The following NCAM2 variants were observed in gnomAD, a reference collection of about 807,000 sequenced individuals.
NCAM2 encodes the protein N-CAM-2.
A neutral mutation model predicts 98.1 loss-of-function variants in NCAM2; 30 were observed. The ratio of observed to expected loss-of-function variants is 0.31; its 90% confidence interval spans 0.23 to 0.41. The LOEUF (loss-of-function observed/expected upper bound fraction) is 0.41. Among genes scored for constraint, NCAM2 ranks in the 10% least tolerant of loss-of-function variants. The pLI is 1.00. For missense variants in NCAM2, 867 were observed against 1,005.8 expected, an observed-to-expected ratio of 0.86 and a Z score of 1.87; for synonymous variants, 368 against 342.4, an observed-to-expected ratio of 1.07 and a Z score of -0.83.
At chr21:21,126,097 A>G (rs1464987110) in intron 1 of NCAM2, among the ~76,000 whole-genome samples, 1 of 151,872 alleles carries the variant, frequency 6.6e-6, no homozygotes, top group Non-Finnish European at 1.5e-5. Context: ...AAGATGCTCT[A>G]TTAGTCTTAT....
chr21:21,450,040 C>T (rs1459086954), intron 12 of NCAM2, among the ~76,000 whole-genome samples: 1 of 151,908 alleles, frequency 6.6e-6, no homozygotes, highest in Non-Finnish European at 1.5e-5. Context: ...GCCTGATTTG[C>T]CTTTTTACAA....
chr21:21,384,582 T>C (rs1350419894), intron 9 of NCAM2, among the ~76,000 whole-genome samples: 3 of 151,994 alleles, frequency 2.0e-5, no homozygotes, highest in East Asian at 3.9e-4. Flanking sequence ...AATTTTTAAC[T>C]TTAGCATGAT....
chr21:21,449,592 A>G (rs948374450), intron 12 of NCAM2, among the ~76,000 whole-genome samples: 2 of 152,040 alleles, frequency 1.3e-5, no homozygotes, highest in Admixed American at 1.3e-4. Flanking sequence ...TTTTGAAATT[A>G]TGCCAACATA....
chr21:21,343,301 C>T (rs2075095110), intron 8 of NCAM2, among the ~76,000 whole-genome samples: 1 of 150,688 alleles, frequency 6.6e-6, no homozygotes, highest in African/African-American at 2.4e-5. Context: ...ATAGAAGGCT[C>T]CACCAATTGT....
chr21:21,148,312 CTAACTT>C (rs1206466161), intron 1 of NCAM2, among the ~76,000 whole-genome samples: 8 of 152,146 alleles, frequency 5.3e-5, no homozygotes, highest in African/African-American at 1.9e-4. Context: ...AAGGCTTTCT[CTAACTT>C]TAATACTGTG....
intron 7 of NCAM2, among the ~76,000 whole-genome samples, chr21:21,337,688 A>C (rs1050953989): frequency 6.6e-6 from 1 of 152,036 alleles, no homozygotes; most frequent in Admixed American, 6.6e-5. Flanking sequence ...GACATATTTT[A>C]ATATTAAGAT....
At chr21:21,112,937 A>G (rs1048893108) in intron 1 of NCAM2, among the ~76,000 whole-genome samples, 36 of 152,162 alleles carry the variant, frequency 2.4e-4, no homozygotes, top group African/African-American at 8.7e-4. Flanking sequence ...GCTCTCCTGC[A>G]CGTGATGCTG....
intron 1 of NCAM2, among the ~76,000 whole-genome samples, chr21:21,026,858 T>TTC (rs2064559370): frequency 2.3e-5 from 3 of 130,978 alleles, no homozygotes; most frequent in African/African-American, 8.0e-5. Context: ...TCTTCTTCTT[T>TTC]TTTTTTTTTT....
At chr21:21,389,055 T>C (rs2076327970) in intron 9 of NCAM2, among the ~76,000 whole-genome samples, 1 of 152,212 alleles carries the variant, frequency 6.6e-6, no homozygotes, top group African/African-American at 2.4e-5. Context: ...ACAGTTATCA[T>C]TTCTTTGTGT....
chr21:21,027,867 T>C (rs1026072486), intron 1 of NCAM2, among the ~76,000 whole-genome samples: 12 of 152,062 alleles, frequency 7.9e-5, no homozygotes, highest in Non-Finnish European at 1.6e-4. Flanking sequence ...AGTTTTTTTT[T>C]TTTTTTGAGA....
chr21:21,354,101 CATAAAT>C (rs1338799499), intron 8 of NCAM2, among the ~76,000 whole-genome samples: 4 of 151,936 alleles, frequency 2.6e-5, no homozygotes, highest in African/African-American at 7.3e-5. Flanking sequence ...TGTTTTATAT[CATAAAT>C]ATAAAGTGCT....
chr21:21,182,655 A>G (rs2068518178), intron 1 of NCAM2, among the ~76,000 whole-genome samples: 1 of 152,136 alleles, frequency 6.6e-6, no homozygotes, highest in South Asian at 2.1e-4. Context: ...TATATTAGCT[A>G]TCTTCACCAA....
At chr21:21,075,875 G>T (rs958470154) in intron 1 of NCAM2, among the ~76,000 whole-genome samples, 9 of 152,164 alleles carry the variant, frequency 5.9e-5, no homozygotes, top group African/African-American at 2.2e-4. Context: ...CCAGCACTTT[G>T]GGAGGCTGAG....
intron 1 of NCAM2, among the ~76,000 whole-genome samples, chr21:21,259,915 AAGC>A (rs1568846541): frequency 8.3e-6 from 1 of 120,072 alleles, no homozygotes; most frequent in East Asian, 2.7e-4. Flanking sequence ...TAAAAATAAG[AAGC>A]AACACACACA....
chr21:21,461,737 A>G (rs1241779421), intron 12 of NCAM2, among the ~76,000 whole-genome samples: 1 of 152,018 alleles, frequency 6.6e-6, no homozygotes, highest in Non-Finnish European at 1.5e-5. Context: ...TATTAATATT[A>G]TGCAAGTAAT....
intron 1 of NCAM2, among the ~76,000 whole-genome samples, chr21:21,245,610 G>A (rs1041787): frequency 0.99 from 151,015 of 152,314 alleles, 74,879 homozygotes; most frequent in East Asian, 1. Flanking sequence ...ATTGCCCGAG[G>A]TTGCCTCTTT....
chr21:21,045,178 A>G (rs2064984853), intron 1 of NCAM2, among the ~76,000 whole-genome samples: 1 of 152,206 alleles, frequency 6.6e-6, no homozygotes, highest in African/African-American at 2.4e-5. Context: ...AGAAACTTTA[A>G]AAGATTATCA....
At position 21,241,734 on chromosome 21, in the gene NCAM2, T is replaced by TA. The variant is rs2071074123; in HGVS notation, c.56-38844_56-38843insA. Among the ~76,000 whole-genome samples the TA allele has an allele frequency of 0.013, 3 of 236 alleles. No homozygotes were observed. In the Admixed American group the frequency reaches 0.14, roughly 11 times the overall value. 0.2% of individuals were successfully genotyped at this position (236 alleles called of 152,430 possible). A position where few individuals can be genotyped will look rare whatever the true frequency, so the allele number is the denominator to read the frequency against. ...TTTTTTTTTTATTAATAACATAATCTGAGTTTGGACAAAAGGCTGCATACT... is the reference window on the plus strand; with the variant it reads ...TTTTTTTTTTATTAATAACATAATCTAGAGTTTGGACAAAAGGCTGCATACT... On this transcript the variant is annotated intron_variant, in intron 1 of 17. Transcript: ENST00000400546.
chr21:21,209,710 T>TA (rs1159439356), intron 1 of NCAM2, among the ~76,000 whole-genome samples: 2 of 152,138 alleles, frequency 1.3e-5, no homozygotes, highest in Non-Finnish European at 2.9e-5. Flanking sequence ...TGCTCTGTGT[T>TA]AAAAAATTAA....
Sources: allele counts gnomAD v4.1 joint callset (sites outside exome capture counted in the v4.1 genomes callset), GRCh38; gene constraint gnomAD v4.1.1; transcripts MANE v1.5; gene names NCBI Gene and HGNC (gene_info 2026-07-23, HGNC 2026-07-21).